TENM4: variants seen among roughly 807,000 people sequenced by gnomAD.
The protein encoded by TENM4 is teneurin-4.
TENM4 carries 82 observed loss-of-function variants against 243.3 expected under a neutral mutation model. The observed-to-expected ratio is 0.34, with a 90% CI of 0.28 to 0.40. The LOEUF is 0.40. Among genes scored for constraint, TENM4 ranks in the 10% least tolerant of loss-of-function variants. TENM4 has a pLI of 1.00. For missense variants in TENM4, 3,138 were observed against 3,673.3 expected (o/e 0.85, Z 3.77); for synonymous variants, 1,412 against 1,456.3 (o/e 0.97, Z 0.69).
chr11:79,176,330 G>T (rs896742719), intron 3 of TENM4, among the ~76,000 whole-genome samples: 2 of 152,084 alleles, frequency 1.3e-5, no homozygotes, highest in African/African-American at 4.8e-5. Context: ...CTCCAGTTCT[G>T]CTCAATGGCC....
intron 2 of TENM4, among the ~76,000 whole-genome samples, chr11:79,261,399 T>C (rs1001781812): frequency 5.9e-5 from 9 of 152,328 alleles, no homozygotes; most frequent in African/African-American, 2.2e-4. Context: ...CCCGGTCCCA[T>C]GCTAGGCCTG....
intron 4 of TENM4, among the ~76,000 whole-genome samples, chr11:79,104,029 C>A (rs1861299826): frequency 6.6e-6 from 1 of 152,158 alleles, no homozygotes. Context: ...ACCCCTATCC[C>A]AGATTTCATT....
chr11:79,059,956 T>G lies in TENM4; in HGVS notation c.493+4782A>C, dbSNP rs925116562. On this transcript the variant is annotated intron_variant, in intron 6 of 33. Coordinates refer to ENST00000278550, the MANE Select transcript of TENM4 (RefSeq NM_001098816.3). ...GCCTGCTGCACCTCTATTAAAGAGC[T>G]GCAAGGTGGTCACAGCCCTGCCTCC... Among the ~76,000 whole-genome samples the G allele has an allele frequency of 9.7e-4, 148 of 152,328 alleles. 1 individual carries two copies. Among genetic ancestry groups the G allele is most frequent in the African/African-American group, 3.3e-3 (139 of 41,574 alleles).
At chr11:78,809,580 C>CA (rs111956277) in intron 14 of TENM4, among the ~76,000 whole-genome samples, 2,080 of 152,272 alleles carry the variant, frequency 0.014, 50 homozygotes, top group African/African-American at 0.047. Context: ...GGGACAGCTT[C>CA]AGGAACAATG....
At chr11:78,972,714 G>A (rs1412112846) in intron 6 of TENM4, among the ~76,000 whole-genome samples, 1 of 152,156 alleles carries the variant, frequency 6.6e-6, no homozygotes, top group Non-Finnish European at 1.5e-5. Flanking sequence ...CTCAACTAAA[G>A]TGTTCAATCC....
At chr11:78,778,732 C>T (rs1856786473) in intron 16 of TENM4, 104 bp from the exon 17 acceptor site, 1 of 1,084,698 alleles carries the variant, frequency 9.2e-7, no homozygotes, top group African/African-American at 1.6e-5. Flanking sequence ...GATTGTGCCC[C>T]ACGTTTGGGA....
chr11:79,097,093 CAG>C (rs1364864494), intron 4 of TENM4: 3 of 152,146 alleles, frequency 2.0e-5, no homozygotes, highest in African/African-American at 4.8e-5. Context: ...AGCATTGAGA[CAG>C]GGGCTCTATC....
At chr11:78,818,948 C>G (rs151174869) in intron 12 of TENM4, among the ~76,000 whole-genome samples, 30 of 142,114 alleles carry the variant, frequency 2.1e-4, no homozygotes, top group African/African-American at 7.8e-4. Context: ...TCTATCACAG[C>G]AGTGGGTCCT....
At chr11:78,841,078 TA>T (rs1342033125) in intron 12 of TENM4, among the ~76,000 whole-genome samples, 1 of 152,196 alleles carries the variant, frequency 6.6e-6, no homozygotes, top group Non-Finnish European at 1.5e-5. Context: ...AGCGAACACT[TA>T]TATAGCACCT....
Position 79,135,435 on chromosome 11 carries a change from A to T in TENM4, c.-66+13275T>A, listed in dbSNP as rs367986342. Reference sequence around the variant, plus strand: ...AACTAGTACAGCCACTATGGAAAACAGTGTGGAGATTCCTTAAAGAACTAA... The same window carrying T: ...AACTAGTACAGCCACTATGGAAAACTGTGTGGAGATTCCTTAAAGAACTAA... On this transcript the variant is annotated intron_variant, in intron 4 of 33. Coordinates refer to ENST00000278550, the MANE Select transcript of TENM4 (RefSeq NM_001098816.3). 1.6e-3 allele frequency among the ~76,000 whole-genome samples: 242 copies of T among 152,260 alleles called. 9 individuals are homozygous for T. In the South Asian group the frequency reaches 0.047, roughly 30 times the overall value.
chr11:78,829,410 T>TA (rs1312142608), intron 12 of TENM4, among the ~76,000 whole-genome samples: 2 of 152,162 alleles, frequency 1.3e-5, no homozygotes, highest in African/African-American at 4.8e-5. Context: ...TTTCCTCACT[T>TA]ATCTGTTTCA....
chr11:78,855,189 T>G (rs779408005), intron 11 of TENM4, among the ~76,000 whole-genome samples: 1 of 152,336 alleles, frequency 6.6e-6, no homozygotes, highest in Non-Finnish European at 1.5e-5. Flanking sequence ...TCTCCTGTGA[T>G]TCCTTCTTTA....
At chr11:78,905,518 C>T (rs753849923) in intron 6 of TENM4, among the ~76,000 whole-genome samples, 77 of 152,302 alleles carry the variant, frequency 5.1e-4, no homozygotes, top group Non-Finnish European at 8.5e-4. Flanking sequence ...ATACAAAACC[C>T]TCCGGAATCC....
At chr11:78,758,132 G>A (rs536866455) in intron 18 of TENM4, among the ~76,000 whole-genome samples, 3 of 152,138 alleles carry the variant, frequency 2.0e-5, no homozygotes, top group Admixed American at 6.5e-5. Context: ...GTGCTTTGTC[G>A]GCAGACAACA....
chr11:79,268,757 T>A (rs1365011557), intron 2 of TENM4, among the ~76,000 whole-genome samples: 1 of 152,238 alleles, frequency 6.6e-6, no homozygotes, highest in Non-Finnish European at 1.5e-5. Context: ...ATCTATTTAG[T>A]ACTACACTTT....
rs567247965 is a variant in TENM4 at position 79,079,791 on chromosome 11, C to T, written c.-65-9782G>A. Among the ~76,000 whole-genome samples, 31 of 148,582 alleles carry T rather than the reference C, an allele frequency of 2.1e-4. 1 individual carries two copies. The highest frequency in any genetic ancestry group is 3.4e-4 in the Non-Finnish European group (23 of 67,666). ...AGGTTGCAGTGAGCTGACATCGAGC[C>T]GCTGCACTCCAGTCTGAGCAACACA... On this transcript the variant is annotated intron_variant, in intron 4 of 33. Transcript: ENST00000278550.
intron 6 of TENM4, among the ~76,000 whole-genome samples, chr11:79,050,338 T>G (rs780376009): frequency 2.6e-5 from 4 of 152,224 alleles, no homozygotes; most frequent in African/African-American, 9.6e-5. Flanking sequence ...AGGCTGTGGA[T>G]GCAGGTAGAG....
At chr11:79,002,303 A>AGTACC (rs1309538252) in intron 6 of TENM4, among the ~76,000 whole-genome samples, 2 of 152,200 alleles carry the variant, frequency 1.3e-5, no homozygotes, top group Non-Finnish European at 2.9e-5. Context: ...GCCCCAGCCA[A>AGTACC]CACATGGGTA....
Position 78,824,571 on chromosome 11 carries a change from G to A in TENM4, c.1682-10176C>T, listed in dbSNP as rs550322050. On this transcript the variant is annotated intron_variant, in intron 12 of 33. Transcript: ENST00000278550. ...GGCTGGAGTGCAGTGGCACGATCTC[G>A]GCTCACTGCAACCTCCGCCTCCCGG... 2.0e-5 allele frequency among the ~76,000 whole-genome samples: 3 copies of A among 149,216 alleles called. No individual in the cohort carries two copies. In the East Asian group the frequency reaches 5.9e-4, roughly 29 times the overall value.
Sources: gnomAD v4.1 joint callset for allele counts (sites outside exome capture counted in the v4.1 genomes callset) on GRCh38, gnomAD v4.1.1 for gene constraint, MANE v1.5 for transcripts, NCBI Gene and HGNC (gene_info 2026-07-23, HGNC 2026-07-21) for gene names.